ZDHHC14: variants seen among roughly 807,000 people sequenced by gnomAD.
The protein encoded by ZDHHC14 is zDHHC palmitoyltransferase 14, also known as palmitoyltransferase ZDHHC14.
A neutral mutation model predicts 47.7 loss-of-function variants in ZDHHC14; 16 were observed. That is an observed-to-expected ratio of 0.34 (90% CI 0.23 to 0.51). The LOEUF (loss-of-function observed/expected upper bound fraction) is 0.51, where lower values mean the gene tolerates loss of function less well. Ranked by LOEUF, ZDHHC14 falls within the 20% of genes least tolerant of loss-of-function variation. The pLI, the probability that ZDHHC14 is intolerant of heterozygous loss-of-function variation, is 0.97. For synonymous variants in ZDHHC14, 293 were observed against 278.9 expected, an observed-to-expected ratio of 1.05 and a Z score of -0.50; for missense variants, 515 against 662.5, an observed-to-expected ratio of 0.78 and a Z score of 2.44.
At chr6:157,564,630 G>T (rs1248094459) in intron 2 of ZDHHC14, among the ~76,000 whole-genome samples, 13 of 152,154 alleles carry the variant, frequency 8.5e-5, no homozygotes, top group Admixed American at 8.5e-4. Context: ...AGACCAAACT[G>T]CTATTGATCA....
intron 1 of ZDHHC14, among the ~76,000 whole-genome samples, chr6:157,506,059 G>A (rs1780319386): frequency 6.6e-6 from 1 of 152,204 alleles, no homozygotes; most frequent in Non-Finnish European, 1.5e-5. Context: ...ATCATCCGTG[G>A]GAAAACACTG....
At position 157,677,308 on chromosome 6, in the gene ZDHHC14, TA is replaced by T. The variant is rs550231735; in HGVS notation, c.*4188del. ...AAAACGTCTCTCTCTCTCATAAAACTAAGTTATCATTGAAATATTAAACGAT... is the reference window on the plus strand; with the variant it reads ...AAAACGTCTCTCTCTCTCATAAAACTAGTTATCATTGAAATATTAAACGAT... On this transcript the variant is annotated 3_prime_UTR_variant, in exon 9 of 9. Coordinates refer to ENST00000359775, the MANE Select transcript of ZDHHC14 (RefSeq NM_024630.3). 3.4e-5 allele frequency: 5 copies of T among 148,956 alleles called. No homozygotes were observed. The highest frequency in any genetic ancestry group is 1.2e-4 in the African/African-American group (5 of 40,802). 9.2% of individuals were successfully genotyped at this position (148,956 alleles called of 1,614,324 possible). A position where few individuals can be genotyped will look rare whatever the true frequency, so the allele number is the denominator to read the frequency against.
At chr6:157,446,339 C>T (rs1778667773) in intron 1 of ZDHHC14, among the ~76,000 whole-genome samples, 1 of 152,308 alleles carries the variant, frequency 6.6e-6, no homozygotes, top group Admixed American at 6.5e-5. Context: ...AGCTCAATTT[C>T]CTCATCACAG....
intron 3 of ZDHHC14, among the ~76,000 whole-genome samples, chr6:157,612,489 A>C (rs1323316302): frequency 6.6e-6 from 1 of 152,174 alleles, no homozygotes; most frequent in Non-Finnish European, 1.5e-5. Flanking sequence ...ATTCCTGCTC[A>C]TCTTTCAGGG....
At chr6:157,433,391 C>G (rs1027348556) in intron 1 of ZDHHC14, among the ~76,000 whole-genome samples, 5 of 151,986 alleles carry the variant, frequency 3.3e-5, no homozygotes, top group Non-Finnish European at 7.4e-5. Context: ...TTTCCGTTTG[C>G]CTAAAGGTGG....
chr6:157,677,556 CTAGA>C lies in ZDHHC14; in HGVS notation c.*4437_*4440del, dbSNP rs1778989469. The C allele has an allele frequency of 6.6e-6, 1 of 152,090 alleles. No homozygotes were observed. Among genetic ancestry groups the C allele is most frequent in the African/African-American group, 2.4e-5 (1 of 41,420 alleles). The allele number at this position is 152,090 out of a possible 1,614,324, so 9.4% of individuals were successfully genotyped here. ...AACCGAATTTGCAGCTGCCACAAAA[CTAGA>C]TAAATAGCCACAACTGGAGTTATTT... On this transcript the variant is annotated 3_prime_UTR_variant, in exon 9 of 9. Coordinates refer to ENST00000359775, the MANE Select transcript of ZDHHC14 (RefSeq NM_024630.3).
chr6:157,582,941 C>T lies in ZDHHC14; in HGVS notation c.407-10047C>T, dbSNP rs9505878. 0.3 allele frequency among the ~76,000 whole-genome samples: 45,006 copies of T among 151,408 alleles called. 7,110 individuals carry two copies. The highest frequency in any genetic ancestry group is 0.51 in the East Asian group (2,624 of 5,122). On this transcript the variant is annotated intron_variant, in intron 2 of 8. Transcript: ENST00000359775. This position sits in a 1 kb window ranked among gnomAD's most constrained non-coding sequence, Gnocchi z 4.3. Reference sequence around the variant, plus strand: ...TTATTCATTCTTTTTACTTTATTTTCGTCTAACTGAGTTATTTCAGAGCCA... The same window carrying T: ...TTATTCATTCTTTTTACTTTATTTTTGTCTAACTGAGTTATTTCAGAGCCA...
At chr6:157,671,086 G>A (rs1267930382) in intron 8 of ZDHHC14, among the ~76,000 whole-genome samples, 1 of 152,184 alleles carries the variant, frequency 6.6e-6, no homozygotes, top group Admixed American at 6.5e-5. Flanking sequence ...AGCTCTGTGC[G>A]AGTCTCTTAT....
chr6:157,479,377 T>C (rs899020749), intron 1 of ZDHHC14, among the ~76,000 whole-genome samples: 2 of 152,218 alleles, frequency 1.3e-5, no homozygotes, highest in Non-Finnish European at 2.9e-5. Context: ...ATATTTTCAG[T>C]TGGATATCAC....
At chr6:157,597,153 G>C (rs750856429) in intron 3 of ZDHHC14, among the ~76,000 whole-genome samples, 2 of 152,234 alleles carry the variant, frequency 1.3e-5, no homozygotes, top group Non-Finnish European at 2.9e-5. Flanking sequence ...TTGAGGTTAC[G>C]GAATATTTTT....
At chr6:157,458,849 A>ATTTTTTTTTCTTTTTTTTTTTTTT (rs1778992467) in intron 1 of ZDHHC14, among the ~76,000 whole-genome samples, 1 of 81,226 alleles carries the variant, frequency 1.2e-5, no homozygotes, top group Non-Finnish European at 2.3e-5. Flanking sequence ...ATGTGGGTGG[A>ATTTTTTTTTCTTTTTTTTTTTTTT]TTTTTTTTTT....
At chr6:157,395,645 T>C (rs1037296078) in intron 1 of ZDHHC14, among the ~76,000 whole-genome samples, 1 of 152,042 alleles carries the variant, frequency 6.6e-6, no homozygotes, top group African/African-American at 2.4e-5. Flanking sequence ...ATACAAAAAA[T>C]TAGCCGGACG....
chr6:157,652,745 G>A (rs560083038), intron 7 of ZDHHC14, among the ~76,000 whole-genome samples: 1 of 152,216 alleles, frequency 6.6e-6, no homozygotes, highest in South Asian at 2.1e-4. Context: ...CGGCCTGCCG[G>A]TCCTTGCCCT....
At chr6:157,417,781 C>T (rs1778012164) in intron 1 of ZDHHC14, among the ~76,000 whole-genome samples, 3 of 152,026 alleles carry the variant, frequency 2.0e-5, no homozygotes, top group Non-Finnish European at 4.4e-5. Flanking sequence ...GGTGAAACCC[C>T]GTCTCTACTA....
rs531940461 is a variant in ZDHHC14 at position 157,420,253 on chromosome 6, TGAGAG to T, written c.245+37993_245+37997del. On this transcript the variant is annotated intron_variant, in intron 1 of 8. Coordinates refer to ENST00000359775, the MANE Select transcript of ZDHHC14 (RefSeq NM_024630.3). ...GGGGTGGGCTGAATCGAGGCACTGA[TGAGAG>T]GAGAGAAGGTATAGTCATTGAAGGG... is the stretch of plus-strand genomic sequence containing the variant. Among the ~76,000 whole-genome samples the T allele has an allele frequency of 1.2e-4, 18 of 146,298 alleles. No homozygotes were observed. In the East Asian group the frequency reaches 3.5e-3, roughly 29 times the overall value.
chr6:157,421,685 G>A (rs1778109416), intron 1 of ZDHHC14, among the ~76,000 whole-genome samples: 1 of 151,834 alleles, frequency 6.6e-6, no homozygotes, highest in Admixed American at 6.6e-5. Flanking sequence ...CCGGCTCACA[G>A]CAACCTCCGC....
chr6:157,396,891 C>T (rs185837573), intron 1 of ZDHHC14, among the ~76,000 whole-genome samples: 17 of 152,108 alleles, frequency 1.1e-4, no homozygotes, highest in African/African-American at 4.1e-4. Context: ...AAACTGTATG[C>T]CTTTATTGAG....
chr6:157,643,156 C>T (rs541412764), intron 5 of ZDHHC14, among the ~76,000 whole-genome samples: 1 of 152,312 alleles, frequency 6.6e-6, no homozygotes, highest in African/African-American at 2.4e-5. Context: ...TGACACACCC[C>T]AGTGATGCCA....
At position 157,618,614 on chromosome 6, in the gene ZDHHC14, G is replaced by A. The variant is rs959749292; in HGVS notation, c.566-9735G>A. Among the ~76,000 whole-genome samples, 9 of 152,070 alleles carry A rather than the reference G, an allele frequency of 5.9e-5. No individual in the cohort carries two copies. The East Asian group carries it at 9.6e-4, about 16-fold the overall frequency. ...TGGGATTACAGGCATGAGCCCCCGC[G>A]CCCGGCCACATGACGGATTTTACCA... On this transcript the variant is annotated intron_variant, in intron 3 of 8. Coordinates refer to ENST00000359775, the MANE Select transcript of ZDHHC14 (RefSeq NM_024630.3).
Sources: gnomAD v4.1 joint callset for allele counts (sites outside exome capture counted in the v4.1 genomes callset) on GRCh38, gnomAD v4.1.1 for gene constraint, Gnocchi (gnomAD v3.1) non-coding constraint, MANE v1.5 for transcripts, NCBI Gene and HGNC (gene_info 2026-07-23, HGNC 2026-07-21) for gene names.